FRAS1: variants seen among roughly 807,000 people sequenced by gnomAD.
FRAS1 encodes the protein Fraser extracellular matrix complex subunit 1.
Under a neutral mutation model 435.2 loss-of-function variants are expected in FRAS1, and 290 were observed. The ratio of observed to expected loss-of-function variants is 0.67; its 90% CI spans 0.61 to 0.73. The LOEUF (loss-of-function observed/expected upper bound fraction) is 0.73. FRAS1 is among the 30% of genes least tolerant of loss of function. The pLI, the probability that FRAS1 is intolerant of heterozygous loss-of-function variation, is 0.00. For missense variants in FRAS1, 4,860 were observed against 5,001.5 expected (o/e 0.97, Z 0.85); for synonymous variants, 1,800 against 1,851.0 (o/e 0.97, Z 0.71).
At chr4:78,163,831 G>A (rs1011139195) in intron 2 of FRAS1, among the ~76,000 whole-genome samples, 2 of 152,164 alleles carry the variant, frequency 1.3e-5, no homozygotes, top group Non-Finnish European at 2.9e-5. Flanking sequence ...CCTTCTGCTC[G>A]AACAGAAGCA....
intron 2 of FRAS1, among the ~76,000 whole-genome samples, chr4:78,205,582 C>T (rs1426721743): frequency 1.3e-5 from 2 of 152,144 alleles, no homozygotes; most frequent in African/African-American, 4.8e-5. Context: ...GCAGCTCTAC[C>T]CAATGTGTAA....
At chr4:78,171,457 A>G (rs971889069) in intron 2 of FRAS1, among the ~76,000 whole-genome samples, 1 of 152,174 alleles carries the variant, frequency 6.6e-6, no homozygotes, top group Non-Finnish European at 1.5e-5. Flanking sequence ...AATATCATAT[A>G]CTATGCTTAG....
intron 2 of FRAS1, among the ~76,000 whole-genome samples, chr4:78,191,845 T>C (rs1291540353): frequency 6.6e-6 from 1 of 152,200 alleles, no homozygotes. Context: ...TCCAGCTTCA[T>C]CCATGTCCCT....
In FRAS1 at chr4:78,267,259, C is replaced by T. The variant is rs773283272; in HGVS notation, c.808C>T (p.Arg270Cys). Residue 270 changes from arginine (R) to cysteine (C), a missense_variant, in exon 9 of 74, where the codon CGT (arginine) becomes TGT (cysteine). Arg to Cys is a radical substitution (Grantham distance 180). Coordinates refer to ENST00000512123, the MANE Select transcript of FRAS1 (RefSeq NM_025074.7). ...RCGKGQSRAR[R>C]HGQCCEECVS... ...GTCCTAGGGTCAGAGCAGGGCTCGG[C>T]GTCATGGGCAATGCTGTGAGGAATG... 36 of 1,613,472 alleles carry T rather than the reference C, an allele frequency of 2.2e-5. No individual in the cohort carries two copies. Among genetic ancestry groups the T allele is most frequent in the Admixed American group, 2.0e-4 (12 of 59,946 alleles).
At chr4:78,255,849 A>G (rs553203612) in intron 6 of FRAS1, among the ~76,000 whole-genome samples, 1 of 152,366 alleles carries the variant, frequency 6.6e-6, no homozygotes, top group South Asian at 2.1e-4. Flanking sequence ...GACGTTTAAG[A>G]TAGTGGGATT....
Position 78,255,307 on chromosome 4 carries a change from A to T in FRAS1, c.535A>T (p.Lys179Ter). Residue 179 changes from lysine to a stop codon, truncating the protein, a stop_gained, in exon 6 of 74, where the codon AAA becomes TAA. Transcript: ENST00000512123. LOFTEE classifies it high-confidence loss of function. ...GGACTGGCGGCTGAGCCGGTGTGCC[A>T]AATGTCTGTGTAGAAATGGGGTTGC... is the stretch of plus-strand genomic sequence containing the variant. ...GEDWRLSRCA[K>*]CLCRNGVAQC... The T allele has an allele frequency of 6.4e-7, 1 of 1,567,910 alleles. No individual in the cohort carries two copies.
chr4:78,181,722 C>T (rs111856681), intron 2 of FRAS1: 3 of 1,610,826 alleles, frequency 1.9e-6, no homozygotes. Flanking sequence ...CTTCTTCCAA[C>T]TCGTCTTATT....
chr4:78,492,947 A>T (rs988180994), intron 59 of FRAS1, among the ~76,000 whole-genome samples: 1 of 152,246 alleles, frequency 6.6e-6, no homozygotes, highest in Non-Finnish European at 1.5e-5. Flanking sequence ...TAAGAAACTT[A>T]AACAAATTTA....
chr4:78,245,324 A>C lies in FRAS1; in HGVS notation c.308A>C (p.Glu103Ala), dbSNP rs78711748. 4 of 1,591,460 alleles carry C rather than the reference A, an allele frequency of 2.5e-6. No homozygotes were observed. The East Asian group carries it at 9.0e-5, about 36-fold the overall frequency. Residue 103 changes from glutamate to alanine, a missense_variant and splice_region_variant, in exon 4 of 74, where the codon GAG (glutamate) becomes GCG (alanine). Physicochemically the swap from Glu to Ala is moderately radical, Grantham distance 107 (BLOSUM62 -1). Coordinates refer to ENST00000512123, the MANE Select transcript of FRAS1 (RefSeq NM_025074.7). The stretch of plus-strand genomic sequence containing the variant: ...TGCCATCATGAAAAGAAAATCCATG[A>C]GGTAAGTGTTTTCTGACTCACGGTT... ...GSCHHEKKIH[E>A]HGTEWASSPC... is the part of the protein sequence containing the mutation.
Position 78,272,888 on chromosome 4 carries a change from A to G in FRAS1, c.981+5456A>G, listed in dbSNP as rs190802503. ...GCTTGATGGGGCTGGCATTGAATCT[A>G]TAAATTACCTTGGGCAGTATGGCCA... On this transcript the variant is annotated intron_variant, in intron 9 of 73. Coordinates refer to ENST00000512123, the MANE Select transcript of FRAS1 (RefSeq NM_025074.7). Among the ~76,000 whole-genome samples, 877 of 152,266 alleles carry G rather than the reference A, an allele frequency of 5.8e-3. 9 individuals are homozygous for G. Among genetic ancestry groups the G allele is most frequent in the African/African-American group, 0.02 (826 of 41,550 alleles).
chr4:78,169,681 T>A (rs1721472979), intron 2 of FRAS1, among the ~76,000 whole-genome samples: 1 of 152,144 alleles, frequency 6.6e-6, no homozygotes, highest in Non-Finnish European at 1.5e-5. Context: ...TGTGAAAATA[T>A]CTTGACCATT....
intron 50 of FRAS1, 112 bp from the exon 51 acceptor site, chr4:78,469,866 C>T (rs7681619): frequency 0.98 from 774,556 of 786,716 alleles, 382,000 homozygotes; most frequent in East Asian, 1. Flanking sequence ...TTGCCCATCC[C>T]TCATCTCTGA....
At position 78,237,510 on chromosome 4, in the gene FRAS1, G is replaced by A. The variant is rs2110114875; in HGVS notation, c.109G>A (p.Asp37Asn). ...AATCAGAGCTTATGCCTCTTTACAG[G>A]ATGCCACAATTTGGAAGCCCGATTC... Reference protein sequence around the residue: ...ACVYQDSLLADATIWKPDSCQ... With the variant: ...ACVYQDSLLANATIWKPDSCQ... Residue 37 changes from aspartate (D) to asparagine (N), a missense_variant and splice_region_variant, in exon 3 of 74, where the codon GAT becomes AAT. Asp to Asn is a conservative substitution (Grantham distance 23). Transcript: ENST00000512123. The A allele has an allele frequency of 2.5e-6, 4 of 1,611,908 alleles. No homozygotes were observed. The highest frequency in any genetic ancestry group is 1.7e-6 in the Non-Finnish European group (2 of 1,178,260).
At chr4:78,146,814 A>G (rs567956223) in intron 2 of FRAS1, among the ~76,000 whole-genome samples, 3 of 152,266 alleles carry the variant, frequency 2.0e-5, no homozygotes, top group Admixed American at 1.3e-4. Context: ...CACATTGTAC[A>G]TTATAATTTC....
intron 2 of FRAS1, among the ~76,000 whole-genome samples, chr4:78,229,577 G>T (rs1297763467): frequency 6.6e-6 from 1 of 152,096 alleles, no homozygotes; most frequent in African/African-American, 2.4e-5. Context: ...GTAAATGTAG[G>T]CAGCACTGCC....
chr4:78,424,495 C>T (rs1733923571), intron 35 of FRAS1, 75 bp downstream of exon 35: 4 of 679,074 alleles, frequency 5.9e-6, no homozygotes, highest in Admixed American at 7.9e-5. Flanking sequence ...TTGTTCCCAT[C>T]ATCATTATTT....
At chr4:78,483,339 G>C (rs1158459760) in intron 58 of FRAS1, among the ~76,000 whole-genome samples, 1 of 152,100 alleles carries the variant, frequency 6.6e-6, no homozygotes, top group Non-Finnish European at 1.5e-5. Context: ...AGTAGCATGA[G>C]GAAAAACAGG....
intron 28 of FRAS1, among the ~76,000 whole-genome samples, chr4:78,385,836 G>A (rs1241355201): frequency 6.6e-6 from 1 of 150,426 alleles, no homozygotes; most frequent in Non-Finnish European, 1.5e-5. Flanking sequence ...AGTGAGCTGA[G>A]ATCGTGCCAC....
At chr4:78,185,148 ATGC>A in intron 2 of FRAS1, among the ~76,000 whole-genome samples, 1 of 152,244 alleles carries the variant, frequency 6.6e-6, no homozygotes, top group Middle Eastern at 3.2e-3. Flanking sequence ...TGTAGAATTA[ATGC>A]TGCGTGTCAG....
Sources: gnomAD v4.1 joint callset for allele counts (sites outside exome capture counted in the v4.1 genomes callset) on GRCh38, gnomAD v4.1.1 for gene constraint, MANE v1.5 for transcripts, NCBI Gene and HGNC (gene_info 2026-07-23, HGNC 2026-07-21) for gene names.